The following TM2D1 variants were observed in gnomAD, a reference collection of about 807,000 sequenced individuals.
TM2D1 encodes TM2 domain containing 1.
A neutral mutation model predicts 28.4 loss-of-function variants in TM2D1; 15 were observed. The observed-to-expected ratio is 0.53, with a 90% CI of 0.35 to 0.81. The LOEUF (loss-of-function observed/expected upper bound fraction) is 0.81. TM2D1 is among the 40% of genes least tolerant of loss of function. TM2D1 has a pLI of 0.01. For synonymous variants in TM2D1, 93 were observed against 96.2 expected (o/e 0.97, Z 0.20); for missense variants, 236 against 254.9 (o/e 0.93, Z 0.50).
intron 2 of TM2D1, among the ~76,000 whole-genome samples, chr1:61,719,586 G>A (rs1266422117): frequency 6.6e-6 from 1 of 151,808 alleles, no homozygotes; most frequent in Non-Finnish European, 1.5e-5. Context: ...TCCACCTCCC[G>A]GGTTCAAGCA....
In TM2D1 at chr1:61,709,433, G is replaced by A; in HGVS notation, c.243C>T (p.Ser81=). The A allele has an allele frequency of 6.2e-7, 1 of 1,605,428 alleles. No individual in the cohort carries two copies. The highest frequency in any genetic ancestry group is 8.5e-7 in the Non-Finnish European group (1 of 1,173,702). The change falls in exon 3 of 7, where the codon TCC becomes TCT. Residue 81 remains serine, a synonymous_variant. Coordinates refer to ENST00000606498, the MANE Select transcript of TM2D1 (RefSeq NM_032027.3). ...AAGTTATGTTGGGTGCTGGAAAACA[G>A]GAAACTGAAGGCAGAAAAAGTCAAG... The part of the protein sequence containing the change: ...VNCTNYTAHV[S]CFPAPNITCK...
chr1:61,713,768 A>C (rs1309242781), intron 2 of TM2D1, among the ~76,000 whole-genome samples: 1 of 152,188 alleles, frequency 6.6e-6, no homozygotes, highest in Admixed American at 6.5e-5. Flanking sequence ...TTGCAATACA[A>C]GACACTTATT....
chr1:61,691,932 A>AAAATATATACATATATATAT, intron 5 of TM2D1, among the ~76,000 whole-genome samples: 1 of 76,414 alleles, frequency 1.3e-5, no homozygotes, highest in Non-Finnish European at 2.6e-5. Context: ...AAAAAAAAAA[A>AAAATATATACATATATATAT]ATATATATAT....
intron 6 of TM2D1, 162 bp downstream of exon 6, chr1:61,683,255 G>A (rs11207809): frequency 0.38 from 115,625 of 301,234 alleles, 24,535 homozygotes; most frequent in East Asian, 0.5. Context: ...AGCCATGAGC[G>A]TGGACTAAAA....
chr1:61,689,451 G>T (rs1644308374), intron 5 of TM2D1, among the ~76,000 whole-genome samples: 1 of 152,042 alleles, frequency 6.6e-6, no homozygotes, highest in Non-Finnish European at 1.5e-5. Flanking sequence ...CTGCAACCTT[G>T]ATCGATCTCT....
At chr1:61,704,441 G>GT (rs923306429) in intron 3 of TM2D1, among the ~76,000 whole-genome samples, 17 of 151,786 alleles carry the variant, frequency 1.1e-4, no homozygotes, top group African/African-American at 3.6e-4. Flanking sequence ...GTTTTGTTTT[G>GT]TTTTTTTGAG....
intron 5 of TM2D1, 36 bp downstream of exon 5, chr1:61,694,661 G>T: frequency 7.1e-7 from 1 of 1,412,776 alleles, no homozygotes; most frequent in Non-Finnish European, 9.8e-7. Context: ...AATTTTGAAT[G>T]TAAAAGTAGT....
At chr1:61,722,410 C>A (rs1314901443) in intron 2 of TM2D1, among the ~76,000 whole-genome samples, 1 of 152,062 alleles carries the variant, frequency 6.6e-6, no homozygotes, top group Admixed American at 6.6e-5. Context: ...GCTCTGTCAC[C>A]CAGGCCAGAG....
chr1:61,693,368 T>C (rs1188935653), intron 5 of TM2D1, among the ~76,000 whole-genome samples: 2 of 152,214 alleles, frequency 1.3e-5, no homozygotes, highest in African/African-American at 4.8e-5. Flanking sequence ...GAACCTAGCA[T>C]GAAAATATTA....
chr1:61,701,841 T>G (rs1375851646), intron 3 of TM2D1, among the ~76,000 whole-genome samples: 1 of 151,962 alleles, frequency 6.6e-6, no homozygotes, highest in African/African-American at 2.4e-5. Context: ...TGGGAAATAC[T>G]AACAAGGCAG....
At chr1:61,684,598 T>C (rs11802679) in intron 5 of TM2D1, among the ~76,000 whole-genome samples, 5,721 of 152,322 alleles carry the variant, frequency 0.038, 313 homozygotes, top group African/African-American at 0.12. Flanking sequence ...CAAAGATGCA[T>C]TTCCAATAAC....
At chr1:61,706,834 A>AAAAGAAAGAAAGAAAG (rs71050144) in intron 3 of TM2D1, among the ~76,000 whole-genome samples, 8,734 of 146,416 alleles carry the variant, frequency 0.06, 388 homozygotes, top group East Asian at 0.14. Flanking sequence ...TGTCTTAAAA[A>AAAAGAAAGAAAGAAAG]AAAGAAAGAA....
rs1221617050 is a variant in TM2D1 at position 61,688,729 on chromosome 1, GC to G, written c.514-5184del. ...TGGAGCGAGACTCTGTCCCCCCACC[GC>G]CCCCCGCCACCCAAAAAAAAAAACT... On this transcript the variant is annotated intron_variant, in intron 5 of 6. Coordinates refer to ENST00000606498, the MANE Select transcript of TM2D1 (RefSeq NM_032027.3). Among the ~76,000 whole-genome samples, 1,204 of 131,622 alleles carry G rather than the reference GC, an allele frequency of 9.1e-3. 11 individuals carry two copies. Among genetic ancestry groups the G allele is most frequent in the Non-Finnish European group, 0.013 (797 of 62,134 alleles). 86.3% of individuals were successfully genotyped at this position (131,622 alleles called of 152,430 possible).
At chr1:61,715,722 A>G (rs1264589470) in intron 2 of TM2D1, among the ~76,000 whole-genome samples, 3 of 149,052 alleles carry the variant, frequency 2.0e-5, no homozygotes, top group African/African-American at 7.3e-5. Flanking sequence ...GAAAAAGCAT[A>G]TGTTGTGTAA....
intron 2 of TM2D1, among the ~76,000 whole-genome samples, chr1:61,715,353 C>T (rs112620071): frequency 9.3e-4 from 142 of 152,104 alleles, no homozygotes; most frequent in African/African-American, 3.1e-3. Context: ...ATCTTTTATA[C>T]TCCTGTTATA....
chr1:61,698,935 T>C (rs1320633478), intron 4 of TM2D1: 2 of 152,182 alleles, frequency 1.3e-5, no homozygotes, highest in South Asian at 4.1e-4. Context: ...GCAGTCAACA[T>C]TGTATTACGT....
At chr1:61,716,474 TATA>T (rs1169244332) in intron 2 of TM2D1, among the ~76,000 whole-genome samples, 1 of 145,486 alleles carries the variant, frequency 6.9e-6, no homozygotes, top group Non-Finnish European at 1.5e-5. Context: ...TATAATTATA[TATA>T]ATTTTATATA....
At chr1:61,709,527 A>C (rs1461755102) in intron 2 of TM2D1, 90 bp from the exon 3 acceptor site, 1 of 862,368 alleles carries the variant, frequency 1.2e-6, no homozygotes, top group African/African-American at 1.7e-5. Flanking sequence ...ATGTTATAAC[A>C]AACTACCTCC....
chr1:61,707,571 CT>C (rs921836997), intron 3 of TM2D1, among the ~76,000 whole-genome samples: 3 of 151,962 alleles, frequency 2.0e-5, no homozygotes, highest in African/African-American at 7.3e-5. Flanking sequence ...AAACTTACCC[CT>C]GTAATGGAAA....
Sources: allele counts gnomAD v4.1 joint callset (sites outside exome capture counted in the v4.1 genomes callset), GRCh38; gene constraint gnomAD v4.1.1; transcripts MANE v1.5; gene names NCBI Gene and HGNC (gene_info 2026-07-23, HGNC 2026-07-21).